The following OGT variants were observed in gnomAD, a reference collection of about 807,000 sequenced individuals.
OGT encodes the protein UDP-N-acetylglucosamine--peptide N-acetylglucosaminyltransferase 110 kDa subunit.
In OGT, 3 loss-of-function variants were observed where a neutral mutation model predicts 75.8. That is an observed-to-expected ratio of 0.04 (90% CI 0.02 to 0.10). The LOEUF (loss-of-function observed/expected upper bound fraction) is 0.10, where lower values mean the gene tolerates loss of function less well. Ranked by LOEUF, OGT falls within the 10% of genes least tolerant of loss-of-function variation. The pLI is 1.00. For missense variants in OGT, 260 were observed against 824.4 expected (o/e 0.32, Z 8.38); for synonymous variants, 257 against 289.7 (o/e 0.89, Z 1.15).
At chrX:71,561,721 A>G in intron 14 of OGT, 54 bp from the exon 15 acceptor site, 3 of 1,035,705 alleles carry the variant, frequency 2.9e-6, no homozygotes, top group Non-Finnish European at 3.9e-6. Flanking sequence ...AAATGTCATT[A>G]AAACTAATTG....
intron 8 of OGT, 53 bp from the exon 9 acceptor site, chrX:71,556,627 A>T: frequency 4.0e-6 from 3 of 752,265 alleles, no homozygotes; most frequent in Non-Finnish European, 3.8e-6. Flanking sequence ...GTGAATTATT[A>T]CTGCTGCTTT....
chrX:71,566,306 A>G lies in OGT; in HGVS notation c.2590-1194A>G, dbSNP rs754646039. Reference sequence around the variant, plus strand: ...ACTACCTGAACTAACATTAGGGTATATATTAGTCCGTTTTCATGCTGCTAT... The same window carrying G: ...ACTACCTGAACTAACATTAGGGTATGTATTAGTCCGTTTTCATGCTGCTAT... On this transcript the variant is annotated intron_variant, in intron 19 of 21. Transcript: ENST00000373719. Among the ~76,000 whole-genome samples the G allele has an allele frequency of 2.7e-5, 3 of 111,978 alleles. No homozygotes were observed. The Admixed American group carries it at 2.8e-4, about 11-fold the overall frequency.
At chrX:71,548,919 A>G (rs1001965551) in intron 5 of OGT, among the ~76,000 whole-genome samples, 3 of 111,670 alleles carry the variant, frequency 2.7e-5, no homozygotes, top group African/African-American at 9.8e-5. Context: ...TGTTGGAATT[A>G]AAATAAAACT....
intron 5 of OGT, among the ~76,000 whole-genome samples, chrX:71,549,133 T>G (rs1205551395): frequency 9.4e-6 from 1 of 106,769 alleles, no homozygotes; most frequent in Non-Finnish European, 1.9e-5. Flanking sequence ...AACGAGACCC[T>G]GTCTCTACAA....
chrX:71,538,610 A>AC (rs1569423989), intron 3 of OGT, among the ~76,000 whole-genome samples: 1 of 112,162 alleles, frequency 8.9e-6, no homozygotes, highest in Non-Finnish European at 1.9e-5. Context: ...TTAGTTTAAA[A>AC]ATTTTTTTTG....
At chrX:71,567,066 A>G (rs915487747) in intron 19 of OGT, among the ~76,000 whole-genome samples, 3 of 112,577 alleles carry the variant, frequency 2.7e-5, no homozygotes, top group Non-Finnish European at 3.7e-5. Context: ...CTGAGCAGCT[A>G]TGACAGTCCA....
chrX:71,566,716 A>G (rs1236283374), intron 19 of OGT, among the ~76,000 whole-genome samples: 1 of 112,318 alleles, frequency 8.9e-6, no homozygotes, highest in Non-Finnish European at 1.9e-5. Flanking sequence ...TTCATTTAGT[A>G]TGACTGTTCC....
Position 71,563,234 on chromosome X carries a change from G to T in OGT, c.2253G>T (p.Val751=). 1.7e-6 allele frequency: 2 copies of T among 1,207,467 alleles called. No individual in the cohort carries two copies. The highest frequency in any genetic ancestry group is 2.2e-6 in the Non-Finnish European group (2 of 891,562). Residue 751 remains valine (V), a synonymous_variant, in exon 17 of 22, where the codon GTG becomes GTT. Transcript: ENST00000373719. ...CATTTCTTGATAGTCTACCAGATGT[G>T]AAAATTGTCAAGGTCAGAACCTAGT... The part of the protein sequence containing the change: ...LKAFLDSLPD[V]KIVKMKCPDG...
chrX:71,556,489 CATT>C (rs1215597936), intron 8 of OGT, 188 bp from the exon 9 acceptor site: 25 of 378,684 alleles, frequency 6.6e-5, no homozygotes, highest in Non-Finnish European at 9.6e-5. Flanking sequence ...AGGTGTACCT[CATT>C]ATGTTTGAAA....
rs2147693613 is a variant in OGT, at chrX:71,567,757, G to A, written c.2842+5G>A. 8.5e-7 allele frequency: 1 copy of A among 1,180,910 alleles called. No homozygotes were observed. The highest frequency in any genetic ancestry group is 2.4e-5 in the Admixed American group (1 of 42,023). On this transcript the variant is annotated splice_donor_5th_base_variant and intron_variant, in intron 20 of 21. Coordinates refer to ENST00000373719, the MANE Select transcript of OGT (RefSeq NM_181672.3). ...CCCCCATGGTGACTATGCCAGGTAA[G>A]TTGCTGATAAATCACTGGAATCTTC...
chrX:71,573,184 G>A (rs2040469910), intron 21 of OGT, among the ~76,000 whole-genome samples: 1 of 112,118 alleles, frequency 8.9e-6, no homozygotes, highest in Non-Finnish European at 1.9e-5. Context: ...TTTTGCATCT[G>A]ATTATTTCTT....
rs375918262 is a variant in OGT at position 71,565,998 on chromosome X, T to A, written c.2589+1245T>A. On this transcript the variant is annotated intron_variant, in intron 19 of 21. Coordinates refer to ENST00000373719, the MANE Select transcript of OGT (RefSeq NM_181672.3). ...ATTATCTCTCAGTTCATCAGACAAG[T>A]TTGCATAAGTGGGATATCGGATAGC... Among the ~76,000 whole-genome samples the A allele has an allele frequency of 2.7e-5, 3 of 112,513 alleles. No individual in the cohort carries two copies. In the East Asian group the frequency reaches 8.3e-4, roughly 31 times the overall value.
At position 71,573,671 on chromosome X, in the gene OGT, G is replaced by C. The variant is rs900558945; in HGVS notation, c.3018G>C (p.Leu1006=). The part of the protein sequence containing the change: ...KVWKQRISSP[L]FNTKQYTMEL... Reference sequence around the variant, plus strand: ...GGAAGCAAAGAATATCTAGCCCTCTGTTCAACACCAAACAATACACAATGG... The same window carrying C: ...GGAAGCAAAGAATATCTAGCCCTCTCTTCAACACCAAACAATACACAATGG... The change falls in exon 22 of 22, where the codon CTG becomes CTC. Residue 1006 remains leucine (L), a synonymous_variant. Coordinates refer to ENST00000373719, the MANE Select transcript of OGT (RefSeq NM_181672.3). 5 of 1,207,396 alleles carry C rather than the reference G, an allele frequency of 4.1e-6. No individual in the cohort carries two copies. Among genetic ancestry groups the C allele is most frequent in the Non-Finnish European group, 4.5e-6 (4 of 893,831 alleles).
chrX:71,550,926 A>C (rs2040299613), intron 5 of OGT, among the ~76,000 whole-genome samples: 1 of 111,109 alleles, frequency 9.0e-6, no homozygotes, highest in South Asian at 3.8e-4. Context: ...GAAAAGGGAG[A>C]TATTGATCAA....
In OGT at chrX:71,559,208, G is replaced by C; in HGVS notation, c.1603-59G>C. On this transcript the variant is annotated intron_variant, in intron 12 of 21. Transcript: ENST00000373719. Reference sequence around the variant, plus strand: ...TATAGGTTTGGTGTGTTTTTCGTCAGTTTTCCTAGATGAAAATTTATGTAG... The same window carrying C: ...TATAGGTTTGGTGTGTTTTTCGTCACTTTTCCTAGATGAAAATTTATGTAG... 5 of 1,122,663 alleles carry C rather than the reference G, an allele frequency of 4.5e-6. No homozygotes were observed. In the South Asian group the frequency reaches 7.7e-5, roughly 17 times the overall value. 92.5% of individuals were successfully genotyped at this position (1,122,663 alleles called of 1,213,427 possible).
At chrX:71,535,279 C>T (rs1328995699) in intron 1 of OGT, among the ~76,000 whole-genome samples, 2 of 111,626 alleles carry the variant, frequency 1.8e-5, no homozygotes, top group Admixed American at 1.9e-4. Context: ...CCCTCCCTCC[C>T]AACGTTTTGA....
chrX:71,536,044 C>T, intron 1 of OGT, 134 bp from the exon 2 acceptor site: 1 of 501,555 alleles, frequency 2.0e-6, no homozygotes, highest in Non-Finnish European at 3.2e-6. Context: ...GTGCAGAACA[C>T]TCTAGTGCTT....
intron 9 of OGT, 35 bp downstream of exon 9, chrX:71,556,815 T>C (rs1194375654): frequency 2.9e-6 from 3 of 1,046,803 alleles, no homozygotes; most frequent in Non-Finnish European, 2.6e-6. Context: ...TTTAAAATTA[T>C]TTTTAATTTT....
intron 21 of OGT, among the ~76,000 whole-genome samples, chrX:71,571,676 G>C (rs867993957): frequency 1.8e-5 from 2 of 112,477 alleles, no homozygotes; most frequent in African/African-American, 3.2e-5. Context: ...TGGGATTACA[G>C]GCGTGAGCCA....
Sources: gnomAD v4.1 joint callset for allele counts (sites outside exome capture counted in the v4.1 genomes callset) on GRCh38, gnomAD v4.1.1 for gene constraint, MANE v1.5 for transcripts, NCBI Gene and HGNC (gene_info 2026-07-23, HGNC 2026-07-21) for gene names.